Variants in RPS6KA2 observed in about 807,000 individuals in gnomAD.
RPS6KA2 encodes ribosomal protein S6 kinase A2, also known as ribosomal protein S6 kinase alpha-2.
RPS6KA2 carries 42 observed loss-of-function variants against 91.8 expected under a neutral mutation model. The observed-to-expected ratio is 0.46, with a 90% confidence interval of 0.36 to 0.59. RPS6KA2 has a LOEUF of 0.59. Ranked by LOEUF, RPS6KA2 falls within the 20% of genes least tolerant of loss-of-function variation. The pLI is 0.00. For synonymous variants in RPS6KA2, 414 were observed against 393.6 expected, an observed-to-expected ratio of 1.05 and a Z score of -0.61; for missense variants, 798 against 978.5, an observed-to-expected ratio of 0.82 and a Z score of 2.46.
chr6:166,552,589 C>T (rs574735033), intron 1 of RPS6KA2, among the ~76,000 whole-genome samples: 5 of 152,212 alleles, frequency 3.3e-5, no homozygotes, highest in Non-Finnish European at 7.3e-5. Flanking sequence ...GCCACATCCC[C>T]CAACTGCAGG....
Position 166,639,892 on chromosome 6 carries a change from C to T in RPS6KA2, c.124-101108G>A, listed in dbSNP as rs1286570734. The stretch of plus-strand genomic sequence containing the variant: ...ACTTTGGGTTCCCCTCTCTCTCCCA[C>T]CAATGTTAAACTACTTCAGAGAAGC... On this transcript the variant is annotated intron_variant, in intron 2 of 21. Transcript: ENST00000503859. This position sits in a 1 kb window ranked among gnomAD's most constrained non-coding sequence, Gnocchi z 4.2. Among the ~76,000 whole-genome samples the T allele has an allele frequency of 6.6e-6, 1 of 152,184 alleles. No individual in the cohort carries two copies. Among genetic ancestry groups the T allele is most frequent in the Non-Finnish European group, 1.5e-5 (1 of 68,026 alleles).
At chr6:166,844,119 C>CA (rs1414299469) in intron 2 of RPS6KA2, among the ~76,000 whole-genome samples, 1 of 151,786 alleles carries the variant, frequency 6.6e-6, no homozygotes, top group Admixed American at 6.6e-5. Context: ...TAGAGAAATA[C>CA]AAAATGTGCT....
chr6:166,756,919 G>C (rs1396999918), intron 2 of RPS6KA2, among the ~76,000 whole-genome samples: 1 of 152,170 alleles, frequency 6.6e-6, no homozygotes, highest in Non-Finnish European at 1.5e-5. Flanking sequence ...AATGAGGAGT[G>C]TTTAATGGGA....
Position 166,459,537 on chromosome 6 carries a change from C to T in RPS6KA2, c.987G>A (p.Lys329=). 6.2e-7 allele frequency: 1 copy of T among 1,613,462 alleles called. No homozygotes were observed. Among genetic ancestry groups the T allele is most frequent in the Non-Finnish European group, 8.5e-7 (1 of 1,179,454 alleles). Reference sequence around the variant, plus strand: ...CTGGTTTGAACGGTGGCTTGATCTCCTTCCGGTACAGCGTCTATTAATACA... The same window carrying T: ...CTGGTTTGAACGGTGGCTTGATCTCTTTCCGGTACAGCGTCTATTAATACA... ...VTIDWNTLYR[K]EIKPPFKPAV... Residue 329 remains lysine (K), a synonymous_variant, in exon 12 of 21, where the codon AAG becomes AAA. Transcript: ENST00000265678. The surrounding 1 kb of genome is among the most constrained non-coding windows in gnomAD (Gnocchi z 4.9).
chr6:166,854,409 A>G (rs886461296), intron 2 of RPS6KA2, among the ~76,000 whole-genome samples: 4 of 152,228 alleles, frequency 2.6e-5, no homozygotes, highest in African/African-American at 4.8e-5. Context: ...CACGAAACTC[A>G]TATCAGTGAA....
In RPS6KA2 at chr6:166,660,360, G is replaced by A. The variant is rs180940934; in HGVS notation, c.124-121576C>T. On this transcript the variant is annotated intron_variant, in intron 2 of 21. Transcript: ENST00000503859. ...TGTGTGCGGGTTGGTGTGTGCGTGC[G>A]TGTGTGCATGTGTGTGCATGTGTAT... Among the ~76,000 whole-genome samples, 239 of 150,020 alleles carry A rather than the reference G, an allele frequency of 1.6e-3. 1 individual carries two copies. Among genetic ancestry groups the A allele is most frequent in the Non-Finnish European group, 2.2e-3 (145 of 67,078 alleles).
intron 6 of RPS6KA2, among the ~76,000 whole-genome samples, chr6:166,503,369 T>C (rs891316313): frequency 2.0e-5 from 3 of 152,374 alleles, no homozygotes; most frequent in Non-Finnish European, 1.5e-5. Context: ...CTGTTTCCCA[T>C]AGATGACAGC....
intron 1 of RPS6KA2, among the ~76,000 whole-genome samples, chr6:166,585,077 G>A (rs1025835872): frequency 4.1e-5 from 6 of 144,844 alleles, no homozygotes; most frequent in African/African-American, 1.5e-4. Flanking sequence ...GTGTGGTGAC[G>A]ATGTTGCTAC....
chr6:166,467,527 C>T (rs1307653079), intron 11 of RPS6KA2, among the ~76,000 whole-genome samples: 1 of 152,166 alleles, frequency 6.6e-6, no homozygotes, highest in Non-Finnish European at 1.5e-5. Flanking sequence ...TAAGATGACA[C>T]TGAATGGCAG....
chr6:166,578,099 G>GT (rs1355276802), intron 1 of RPS6KA2, among the ~76,000 whole-genome samples: 9 of 152,184 alleles, frequency 5.9e-5, no homozygotes, highest in Admixed American at 5.2e-4. Flanking sequence ...ATGAGGAACT[G>GT]TAAGTCCAAT....
rs1259062107 is a variant in RPS6KA2 at position 166,648,822 on chromosome 6, G to A, written c.124-110038C>T. Among the ~76,000 whole-genome samples the A allele has an allele frequency of 1.3e-5, 2 of 152,094 alleles. No homozygotes were observed. The highest frequency in any genetic ancestry group is 2.9e-5 in the Non-Finnish European group (2 of 68,010). On this transcript the variant is annotated intron_variant, in intron 2 of 21. Transcript: ENST00000503859. This position sits in a 1 kb window ranked among gnomAD's most constrained non-coding sequence, Gnocchi z 4.8. ...TGTCCGACTCAAAACATCGGTGCCT[G>A]GCACAGGAAGCATCTCATTCTGTCT...
intron 1 of RPS6KA2, among the ~76,000 whole-genome samples, chr6:166,605,508 T>TA (rs1420475587): frequency 6.6e-6 from 1 of 152,218 alleles, no homozygotes; most frequent in Admixed American, 6.5e-5. Flanking sequence ...CATTCCTATT[T>TA]AAGTTTTAAA....
rs1053498763 is a variant in RPS6KA2 at position 166,418,049 on chromosome 6, C to T, written c.1938+176G>A. Among the ~76,000 whole-genome samples the T allele has an allele frequency of 2.0e-5, 3 of 151,672 alleles. No homozygotes were observed. The highest frequency in any genetic ancestry group is 4.4e-5 in the Non-Finnish European group (3 of 67,982). ...GCTGCAGTGAGCCAAGATTGTGCCA[C>T]TGCACTCCAGCCTGGGTGAGACAGA... On this transcript the variant is annotated intron_variant, in intron 19 of 20. Coordinates refer to ENST00000265678, the MANE Select transcript of RPS6KA2 (RefSeq NM_021135.6). The surrounding 1 kb of genome is among the most constrained non-coding windows in gnomAD (Gnocchi z 4.9).
chr6:166,645,263 G>A (rs1463959893), intron 2 of RPS6KA2, among the ~76,000 whole-genome samples: 1 of 152,172 alleles, frequency 6.6e-6, no homozygotes, highest in African/African-American at 2.4e-5. Context: ...TATGAAGAAT[G>A]GCAAAGGGTG....
chr6:166,843,840 G>A (rs940764659), intron 2 of RPS6KA2, among the ~76,000 whole-genome samples: 1 of 152,010 alleles, frequency 6.6e-6, no homozygotes, highest in African/African-American at 2.4e-5. Flanking sequence ...AAACAATTCT[G>A]GTAATATGAC....
chr6:166,598,649 C>A (rs927610053), intron 1 of RPS6KA2, among the ~76,000 whole-genome samples: 1 of 152,310 alleles, frequency 6.6e-6, no homozygotes. Context: ...TGGCTCTAAG[C>A]GCCTCTGTTT....
intron 11 of RPS6KA2, chr6:166,460,662 G>C (rs10946165): frequency 0.21 from 32,378 of 152,472 alleles, 4,509 homozygotes; most frequent in African/African-American, 0.4. Flanking sequence ...GCAGCAGCAG[G>C]GCAGGGCCAG....
chr6:166,673,074 GC>G (rs1252373299), intron 2 of RPS6KA2, among the ~76,000 whole-genome samples: 1 of 152,034 alleles, frequency 6.6e-6, no homozygotes, highest in Non-Finnish European at 1.5e-5. Context: ...CCTCCCATCT[GC>G]TATACTAGGT....
intron 1 of RPS6KA2, among the ~76,000 whole-genome samples, chr6:166,543,576 A>T (rs1783727553): frequency 6.6e-6 from 1 of 150,942 alleles, no homozygotes; most frequent in Admixed American, 6.6e-5. Flanking sequence ...AGTACATCCT[A>T]CTCCCCTGGG....
Sources: gnomAD v4.1 joint callset for allele counts (sites outside exome capture counted in the v4.1 genomes callset) on GRCh38, gnomAD v4.1.1 for gene constraint, Gnocchi (gnomAD v3.1) non-coding constraint, MANE v1.5 for transcripts, NCBI Gene and HGNC (gene_info 2026-07-23, HGNC 2026-07-21) for gene names.